Variants in OXR1 observed in about 807,000 individuals in gnomAD.
OXR1 encodes the protein oxidation resistance 1.
OXR1 carries 41 observed loss-of-function variants against 104.6 expected under a neutral mutation model. The observed-to-expected ratio is 0.39, with a 90% CI of 0.31 to 0.51. OXR1 has a LOEUF of 0.51. Ranked by LOEUF, OXR1 falls within the 20% of genes least tolerant of loss-of-function variation. The probability of loss-of-function intolerance (pLI) is 0.77; values close to 1 mark genes in which losing one functional copy is unlikely to be tolerated. For synonymous variants in OXR1, 348 were observed against 348.4 expected, an observed-to-expected ratio of 1.00 and a Z score of 0.01; for missense variants, 955 against 1,031.9, an observed-to-expected ratio of 0.93 and a Z score of 1.02.
intron 2 of OXR1, among the ~76,000 whole-genome samples, chr8:106,503,707 T>G (rs1255437639): frequency 6.6e-6 from 1 of 152,154 alleles, no homozygotes; most frequent in Non-Finnish European, 1.5e-5. Context: ...CCGGTGAGTA[T>G]GCTGAAACCT....
intron 1 of OXR1, among the ~76,000 whole-genome samples, chr8:106,326,181 C>T (rs1398127714): frequency 6.6e-6 from 1 of 152,208 alleles, no homozygotes; most frequent in African/African-American, 2.4e-5. Context: ...AGTATGTCTA[C>T]CAGTCTCCCT....
chr8:106,725,087 A>G (rs1292384831), intron 11 of OXR1, among the ~76,000 whole-genome samples: 1 of 152,128 alleles, frequency 6.6e-6, no homozygotes, highest in African/African-American at 2.4e-5. Context: ...TGGTGTGAAG[A>G]TAATGATGGT....
chr8:106,304,722 A>C (rs901203780), intron 1 of OXR1, among the ~76,000 whole-genome samples: 1 of 152,126 alleles, frequency 6.6e-6, no homozygotes. Context: ...ATTATCTCAA[A>C]TTAGCCTCTT....
intron 3 of OXR1, among the ~76,000 whole-genome samples, chr8:106,619,669 G>A (rs1237927710): frequency 6.6e-6 from 1 of 152,078 alleles, no homozygotes; most frequent in African/African-American, 2.4e-5. Context: ...AAATACACAA[G>A]AAAGGATAAA....
At chr8:106,449,421 C>T (rs565168904) in intron 2 of OXR1, among the ~76,000 whole-genome samples, 38 of 152,266 alleles carry the variant, frequency 2.5e-4, no homozygotes, top group Non-Finnish European at 5.9e-5. Context: ...GATACAACAC[C>T]ACTTCTACTC....
intron 3 of OXR1, among the ~76,000 whole-genome samples, chr8:106,599,850 T>G (rs1586875747): frequency 6.6e-6 from 1 of 152,056 alleles, no homozygotes; most frequent in East Asian, 1.9e-4. Flanking sequence ...TGTTGGGGGT[T>G]GGGGAGATGG....
At chr8:106,582,467 G>A (rs945923023) in intron 3 of OXR1, among the ~76,000 whole-genome samples, 1 of 151,666 alleles carries the variant, frequency 6.6e-6, no homozygotes, top group East Asian at 1.9e-4. Context: ...AAACAGAATT[G>A]TGCCTGCCAT....
chr8:106,609,146 T>G (rs1252924918), intron 3 of OXR1, among the ~76,000 whole-genome samples: 1 of 152,098 alleles, frequency 6.6e-6, no homozygotes, highest in African/African-American at 2.4e-5. Flanking sequence ...TGGTGGGTCA[T>G]GCCTGTAATC....
chr8:106,687,609 A>G (rs1828862103), intron 6 of OXR1, among the ~76,000 whole-genome samples: 1 of 151,690 alleles, frequency 6.6e-6, no homozygotes, highest in Non-Finnish European at 1.5e-5. Context: ...AATTCCAGCC[A>G]CTCAGGAGGC....
At chr8:106,447,941 G>A (rs73309233) in intron 2 of OXR1, 42 of 1,534,180 alleles carry the variant, frequency 2.7e-5, no homozygotes, top group Non-Finnish European at 3.4e-5. Flanking sequence ...CATCTAGTAC[G>A]GGGCTCACAG....
chr8:106,587,422 A>G (rs1818715268), intron 3 of OXR1, among the ~76,000 whole-genome samples: 1 of 152,240 alleles, frequency 6.6e-6, no homozygotes, highest in African/African-American at 2.4e-5. Context: ...ATATACTACA[A>G]AGATCAGGCA....
intron 2 of OXR1, among the ~76,000 whole-genome samples, chr8:106,460,672 T>C (rs1266755796): frequency 6.6e-6 from 1 of 152,176 alleles, no homozygotes; most frequent in Admixed American, 6.6e-5. Context: ...TCTGATGGTA[T>C]GTTTCAAAAA....
At chr8:106,503,435 A>G (rs147688090) in intron 2 of OXR1, among the ~76,000 whole-genome samples, 1 of 152,308 alleles carries the variant, frequency 6.6e-6, no homozygotes, top group African/African-American at 2.4e-5. Flanking sequence ...TGACCGCCCA[A>G]TACAACAGTG....
intron 1 of OXR1, among the ~76,000 whole-genome samples, chr8:106,317,643 C>T (rs1248789391): frequency 6.6e-6 from 1 of 151,990 alleles, no homozygotes; most frequent in Non-Finnish European, 1.5e-5. Context: ...ACAGGGGGGC[C>T]CCTCTCCCAT....
intron 2 of OXR1, among the ~76,000 whole-genome samples, chr8:106,512,251 C>T (rs1209809271): frequency 6.6e-6 from 1 of 152,092 alleles, no homozygotes; most frequent in East Asian, 1.9e-4. Context: ...TAATCCAGTC[C>T]CCATGTCCAT....
chr8:106,474,669 G>T (rs1018380750), intron 2 of OXR1, among the ~76,000 whole-genome samples: 2 of 151,936 alleles, frequency 1.3e-5, no homozygotes, highest in African/African-American at 4.8e-5. Context: ...TTTGTGCTAC[G>T]TCAGCAGAGG....
intron 2 of OXR1, among the ~76,000 whole-genome samples, chr8:106,447,267 T>C (rs1820049390): frequency 6.6e-6 from 1 of 152,202 alleles, no homozygotes; most frequent in Admixed American, 6.5e-5. Flanking sequence ...CAAGAAATCA[T>C]TAATCTACTT....
rs533494995 is a variant in OXR1, at chr8:106,448,283, G to A, written c.24-70660G>A. Reference sequence around the variant, plus strand: ...TACTAAAGAAAGGGAAAACCCTTCTGATATGTTTGCTGTGCAGTATTCATT... The same window carrying A: ...TACTAAAGAAAGGGAAAACCCTTCTAATATGTTTGCTGTGCAGTATTCATT... On this transcript the variant is annotated intron_variant, in intron 2 of 16. Transcript: ENST00000517566. Among the ~76,000 whole-genome samples, 5 of 152,270 alleles carry A rather than the reference G, an allele frequency of 3.3e-5. No individual in the cohort carries two copies. The South Asian group carries it at 8.3e-4, about 25-fold the overall frequency.
chr8:106,641,157 C>T (rs1823594623), intron 3 of OXR1, among the ~76,000 whole-genome samples: 1 of 152,206 alleles, frequency 6.6e-6, no homozygotes, highest in Non-Finnish European at 1.5e-5. Context: ...CAGCTGTCTT[C>T]TTCTTTTTGC....
Sources: gnomAD v4.1 joint callset for allele counts (sites outside exome capture counted in the v4.1 genomes callset) on GRCh38, gnomAD v4.1.1 for gene constraint, MANE v1.5 for transcripts, NCBI Gene and HGNC (gene_info 2026-07-23, HGNC 2026-07-21) for gene names.